COL26A1: variants seen among roughly 807,000 people sequenced by gnomAD.
The protein encoded by COL26A1 is collagen alpha-1(XXVI) chain.
In COL26A1, 41 loss-of-function variants were observed where a neutral mutation model predicts 59.3. The ratio of observed to expected loss-of-function variants is 0.69; its 90% CI spans 0.54 to 0.90. The LOEUF is 0.90. Among genes scored for constraint, COL26A1 ranks in the 40% least tolerant of loss-of-function variants. COL26A1 has a pLI of 0.00. For synonymous variants in COL26A1, 266 were observed against 256.0 expected (o/e 1.04, Z -0.37); for missense variants, 612 against 602.3 (o/e 1.02, Z -0.17).
intron 2 of COL26A1, among the ~76,000 whole-genome samples, chr7:101,433,563 T>C (rs574244325): frequency 4.6e-5 from 7 of 152,084 alleles, no homozygotes; most frequent in African/African-American, 1.7e-4. Context: ...GGAGTAATCA[T>C]TGGGTTTGGG....
chr7:101,443,869 TTTC>T (rs890745321), intron 2 of COL26A1, among the ~76,000 whole-genome samples: 1 of 134,458 alleles, frequency 7.4e-6, no homozygotes, highest in African/African-American at 2.5e-5. Flanking sequence ...TCCTTTTTCT[TTTC>T]TTTTTTTTTT....
chr7:101,507,618 C>T (rs1794839646), intron 3 of COL26A1, among the ~76,000 whole-genome samples: 1 of 150,150 alleles, frequency 6.7e-6, no homozygotes, highest in South Asian at 2.1e-4. Flanking sequence ...GGGGTTTCTC[C>T]GTGTTGCTCA....
rs1554403542 is a variant in COL26A1 at position 101,384,236 on chromosome 7, T to TTTTTG, written c.158+21050_158+21051insGTTTT. On this transcript the variant is annotated intron_variant, in intron 1 of 12. Transcript: ENST00000313669. ...TCCTATATTGTTCAGGCTGGTTTTT[T>TTTTTG]TTTTTTTTTTTTTTTTTTAAGACGG... is the stretch of plus-strand genomic sequence containing the variant. Among the ~76,000 whole-genome samples, 301 of 139,272 alleles carry TTTTTG rather than the reference T, an allele frequency of 2.2e-3. 1 individual carries two copies. Among genetic ancestry groups the TTTTTG allele is most frequent in the South Asian group, 8.6e-3 (39 of 4,558 alleles). 91.4% of individuals were successfully genotyped at this position (139,272 alleles called of 152,430 possible).
At chr7:101,364,130 C>A (rs1298842311) in intron 1 of COL26A1, among the ~76,000 whole-genome samples, 1 of 152,152 alleles carries the variant, frequency 6.6e-6, no homozygotes, top group Non-Finnish European at 1.5e-5. Flanking sequence ...ATGGCCACCC[C>A]CGGGACGCTC....
intron 3 of COL26A1, among the ~76,000 whole-genome samples, chr7:101,520,324 C>T (rs1226946421): frequency 6.6e-6 from 1 of 152,108 alleles, no homozygotes; most frequent in Non-Finnish European, 1.5e-5. Context: ...AACACAGGGT[C>T]CTTGGGGACC....
chr7:101,377,674 C>A, intron 1 of COL26A1, among the ~76,000 whole-genome samples: 1 of 151,940 alleles, frequency 6.6e-6, no homozygotes, highest in Non-Finnish European at 1.5e-5. Context: ...CGATTCTCCT[C>A]CCTCAGCCTC....
Position 101,544,061 on chromosome 7 carries a change from G to A in COL26A1, c.668G>A (p.Gly223Asp), listed in dbSNP as rs943378256. Reference protein sequence around the residue: ...AGPPGSKGDRGQTGEKGPAGP... With the variant: ...AGPPGSKGDRDQTGEKGPAGP... ...CCCCCCGGGTCTAAAGGTGACCGAGGCCAGACAGGAGAGAAGGGTCCAGCG... is the reference window on the plus strand; with the variant it reads ...CCCCCCGGGTCTAAAGGTGACCGAGACCAGACAGGAGAGAAGGGTCCAGCG... Residue 223 changes from glycine to aspartate, a missense_variant, in exon 6 of 13, where the codon GGC becomes GAC. Coordinates refer to ENST00000313669, the MANE Select transcript of COL26A1 (RefSeq NM_001278563.3). The A allele has an allele frequency of 5.6e-6, 9 of 1,606,386 alleles. No homozygotes were observed. The highest frequency in any genetic ancestry group is 4.0e-5 in the African/African-American group (3 of 74,834).
chr7:101,503,898 T>G (rs1441771651), intron 3 of COL26A1, among the ~76,000 whole-genome samples: 1 of 152,210 alleles, frequency 6.6e-6, no homozygotes, highest in African/African-American at 2.4e-5. Flanking sequence ...AACCTAGGCC[T>G]GCCACTTCCT....
Position 101,491,941 on chromosome 7 carries a change from T to C in COL26A1, c.386-41141T>C, listed in dbSNP as rs114063758. ...GCTCTGGTTCACATTCTTCTGATAG[T>C]TGGAGGACCTGGCATTTGGGATGCA... is the stretch of plus-strand genomic sequence containing the variant. On this transcript the variant is annotated intron_variant, in intron 3 of 12. Transcript: ENST00000313669. Among the ~76,000 whole-genome samples, 257 of 152,282 alleles carry C rather than the reference T, an allele frequency of 1.7e-3. 1 individual carries two copies. The highest frequency in any genetic ancestry group is 5.7e-3 in the African/African-American group (236 of 41,564).
rs759233912 is a variant in COL26A1, at chr7:101,496,546, C to T, written c.386-36536C>T. Among the ~76,000 whole-genome samples, 15 of 152,264 alleles carry T rather than the reference C, an allele frequency of 9.9e-5. No homozygotes were observed. The Middle Eastern group carries it at 0.017, about 173-fold the overall frequency. On this transcript the variant is annotated intron_variant, in intron 3 of 12. Coordinates refer to ENST00000313669, the MANE Select transcript of COL26A1 (RefSeq NM_001278563.3). ...AGAAGCTGTGTTCTACGCTCATCCT[C>T]TTCCTCTGTGGGGTCTTCAAACTCC...
At chr7:101,363,613 GCTGCGGGGCTGCGGGGT>G (rs1193802512) in intron 1 of COL26A1, among the ~76,000 whole-genome samples, 3 of 149,272 alleles carry the variant, frequency 2.0e-5, no homozygotes, top group African/African-American at 7.5e-5. Context: ...GGGCCGCGGG[GCTGCGGGGCTGCGGGGT>G]TGCGGGGGCT....
intron 3 of COL26A1, among the ~76,000 whole-genome samples, chr7:101,526,608 C>T (rs1795252959): frequency 6.6e-6 from 1 of 152,218 alleles, no homozygotes; most frequent in African/African-American, 2.4e-5. Flanking sequence ...TCTCAGGGCC[C>T]AGGCCTTGGG....
chr7:101,385,179 G>A (rs1791535252), intron 1 of COL26A1, among the ~76,000 whole-genome samples: 1 of 97,662 alleles, frequency 1.0e-5, no homozygotes, highest in African/African-American at 2.7e-5. Flanking sequence ...ACAATACTTT[G>A]CATTCTTCAA....
intron 2 of COL26A1, among the ~76,000 whole-genome samples, chr7:101,436,666 C>A (rs1792923056): frequency 6.6e-6 from 1 of 152,046 alleles, no homozygotes; most frequent in Non-Finnish European, 1.5e-5. Context: ...TGCTTACTCA[C>A]CTCCAGTGAT....
chr7:101,457,176 G>T (rs866713813), intron 3 of COL26A1, among the ~76,000 whole-genome samples: 21 of 152,242 alleles, frequency 1.4e-4, no homozygotes, highest in Middle Eastern at 3.4e-3. Context: ...CCAACACTGG[G>T]TGCAAGGCTA....
intron 2 of COL26A1, among the ~76,000 whole-genome samples, chr7:101,440,242 T>C (rs902400349): frequency 3.9e-5 from 6 of 151,982 alleles, no homozygotes; most frequent in Non-Finnish European, 7.4e-5. Flanking sequence ...GGTGTGCGCC[T>C]GTAATCCCAG....
intron 1 of COL26A1, among the ~76,000 whole-genome samples, chr7:101,375,988 A>AG (rs1491134178): frequency 4.8e-5 from 4 of 84,192 alleles, no homozygotes; most frequent in African/African-American, 1.5e-4. Flanking sequence ...TCCATCTCAA[A>AG]GAAAAAAAAA....
intron 1 of COL26A1, among the ~76,000 whole-genome samples, chr7:101,383,043 A>C (rs1189675165): frequency 6.6e-6 from 1 of 152,146 alleles, no homozygotes; most frequent in African/African-American, 2.4e-5. Flanking sequence ...TCCTGTCTCA[A>C]AAAAACAAAA....
chr7:101,462,021 A>G (rs1470692788), intron 3 of COL26A1, among the ~76,000 whole-genome samples: 4 of 131,460 alleles, frequency 3.0e-5, no homozygotes, highest in African/African-American at 1.2e-4. Context: ...TTTTTTTGAG[A>G]CGAAGTCTTG....
Sources: allele counts gnomAD v4.1 joint callset (sites outside exome capture counted in the v4.1 genomes callset), GRCh38; gene constraint gnomAD v4.1.1; transcripts MANE v1.5; gene names NCBI Gene and HGNC (gene_info 2026-07-23, HGNC 2026-07-21).